Variants in FGF13 observed in about 807,000 individuals in gnomAD.
FGF13 encodes fibroblast growth factor homologous factor 2.
Under a neutral mutation model 19.5 loss-of-function variants are expected in FGF13, and 2 were observed. That is an observed-to-expected ratio of 0.10 (90% CI 0.04 to 0.32). The LOEUF is 0.32. FGF13 is among the 10% of genes least tolerant of loss of function. The probability of loss-of-function intolerance (pLI) is 1.00; values close to 1 mark genes in which losing one functional copy is unlikely to be tolerated. For missense variants in FGF13, 113 were observed against 192.7 expected (o/e 0.59, Z 2.45); for synonymous variants, 72 against 76.9 (o/e 0.94, Z 0.33).
At position 138,834,303 on chromosome X, in the gene FGF13, T is replaced by A. The variant is rs764649826; in HGVS notation, c.217+23209A>T. On this transcript the variant is annotated intron_variant, in intron 3 of 6. Transcript: ENST00000436198. ...TGGACTTTTATCAGTTGGTAGACTATCTATTAATGCCTCAATTTCGGAACC... is the reference window on the plus strand; with the variant it reads ...TGGACTTTTATCAGTTGGTAGACTAACTATTAATGCCTCAATTTCGGAACC... Among the ~76,000 whole-genome samples, 3 of 111,846 alleles carry A rather than the reference T, an allele frequency of 2.7e-5. No individual in the cohort carries two copies. In the South Asian group the frequency reaches 1.1e-3, roughly 42 times the overall value.
At chrX:139,163,633 C>G (rs1382748183) in intron 1 of FGF13, among the ~76,000 whole-genome samples, 5 of 111,245 alleles carry the variant, frequency 4.5e-5, no homozygotes. Context: ...GGAGGTCATT[C>G]AGCTTTGAAG....
rs780690741 is a variant in FGF13 at position 139,169,522 on chromosome X, T to A, written c.-113+33894A>T. Among the ~76,000 whole-genome samples, 311 of 109,813 alleles carry A rather than the reference T, an allele frequency of 2.8e-3. 1 individual carries two copies. The highest frequency in any genetic ancestry group is 4.8e-3 in the Non-Finnish European group (253 of 52,738). On this transcript the variant is annotated intron_variant, in intron 1 of 2. Transcript: ENST00000421460. Reference sequence around the variant, plus strand: ...TCTTGCTCTGTTGCCCAAGCTGGGGTACAGAGGTGCAATCACAGCTTGAAC... The same window carrying A: ...TCTTGCTCTGTTGCCCAAGCTGGGGAACAGAGGTGCAATCACAGCTTGAAC...
intron 1 of FGF13, among the ~76,000 whole-genome samples, chrX:139,024,011 A>T (rs909383861): frequency 1.3e-4 from 15 of 111,449 alleles, no homozygotes; most frequent in Admixed American, 1.3e-3. Flanking sequence ...AAATTTCTGA[A>T]GAATTACTAA....
intron 1 of FGF13, among the ~76,000 whole-genome samples, chrX:138,962,304 T>C (rs150419268): frequency 0.022 from 2,404 of 111,542 alleles, 73 homozygotes; most frequent in African/African-American, 0.074. Context: ...GATACCAGCT[T>C]ACACCAGTTA....
intron 1 of FGF13, among the ~76,000 whole-genome samples, chrX:139,010,375 G>A (rs1220208890): frequency 1.8e-5 from 2 of 111,405 alleles, no homozygotes; most frequent in African/African-American, 3.3e-5. Flanking sequence ...GACATGAAAC[G>A]TTCTCCAAAA....
At chrX:138,931,071 G>C (rs1342548175) in intron 1 of FGF13, among the ~76,000 whole-genome samples, 1 of 112,540 alleles carries the variant, frequency 8.9e-6, no homozygotes, top group Non-Finnish European at 1.9e-5. Context: ...ACCATAATCA[G>C]AATTCCAATC....
intron 1 of FGF13, among the ~76,000 whole-genome samples, chrX:139,115,734 C>T (rs745521784): frequency 1.5e-4 from 17 of 112,786 alleles, no homozygotes; most frequent in Admixed American, 1.3e-3. Flanking sequence ...TTTCTTCATA[C>T]ATTTCTCAAC....
chrX:139,143,519 T>C (rs1015135856), intron 1 of FGF13, among the ~76,000 whole-genome samples: 1 of 112,311 alleles, frequency 8.9e-6, no homozygotes, highest in African/African-American at 3.2e-5. Flanking sequence ...AGTATTCAAA[T>C]TAGCGGAGGT....
chrX:138,917,131 T>G (rs1056297732), intron 1 of FGF13, among the ~76,000 whole-genome samples: 1 of 111,932 alleles, frequency 8.9e-6, no homozygotes, highest in African/African-American at 3.2e-5. Flanking sequence ...AATTACTAAG[T>G]GGCCTAACAC....
At chrX:139,126,101 G>A (rs1603211375) in intron 1 of FGF13, among the ~76,000 whole-genome samples, 1 of 112,029 alleles carries the variant, frequency 8.9e-6, no homozygotes, top group East Asian at 2.8e-4. Flanking sequence ...AACAGTAAAG[G>A]TCATGTATTT....
chrX:139,007,789 C>T (rs1319344915), intron 1 of FGF13, among the ~76,000 whole-genome samples: 1 of 112,119 alleles, frequency 8.9e-6, no homozygotes, highest in Non-Finnish European at 1.9e-5. Context: ...CTAGGAAAGC[C>T]AAAGGAATCC....
At chrX:138,820,176 C>T (rs919823370) in intron 3 of FGF13, among the ~76,000 whole-genome samples, 1 of 112,107 alleles carries the variant, frequency 8.9e-6, no homozygotes, top group Non-Finnish European at 1.9e-5. Flanking sequence ...AAGTAACTAA[C>T]AATAAGGTAA....
intron 1 of FGF13, among the ~76,000 whole-genome samples, chrX:139,176,022 G>C (rs181741156): frequency 9.0e-6 from 1 of 111,604 alleles, no homozygotes. Flanking sequence ...CTGTGAATCT[G>C]TCTGGTCCTG....
intron 2 of FGF13, among the ~76,000 whole-genome samples, chrX:138,705,626 A>G (rs2089985938): frequency 1.8e-5 from 2 of 112,209 alleles, no homozygotes; most frequent in South Asian, 7.4e-4. Context: ...CGATCTTTTC[A>G]TTTCTTTAAA....
At chrX:138,899,681 T>C (rs769897024) in intron 1 of FGF13, among the ~76,000 whole-genome samples, 1 of 111,572 alleles carries the variant, frequency 9.0e-6, no homozygotes, top group African/African-American at 3.3e-5. Flanking sequence ...AAGACAAGAA[T>C]GAACTGAATG....
intron 1 of FGF13, among the ~76,000 whole-genome samples, chrX:138,949,701 A>G (rs1352708246): frequency 8.9e-6 from 1 of 112,058 alleles, no homozygotes; most frequent in Non-Finnish European, 1.9e-5. Context: ...TCAAGATAAC[A>G]GAATAAATGG....
chrX:139,093,398 A>G (rs2083450646), intron 1 of FGF13, among the ~76,000 whole-genome samples: 1 of 112,121 alleles, frequency 8.9e-6, no homozygotes, highest in African/African-American at 3.2e-5. Flanking sequence ...CTGGTCATAC[A>G]TACTTTGAAA....
intron 1 of FGF13, among the ~76,000 whole-genome samples, chrX:138,718,351 G>C (rs1291537674): frequency 1.8e-5 from 2 of 111,650 alleles, no homozygotes; most frequent in African/African-American, 3.3e-5. Flanking sequence ...AAATGATGGA[G>C]GATTTGAGGC....
intron 1 of FGF13, among the ~76,000 whole-genome samples, chrX:138,922,689 T>C (rs2091653025): frequency 8.9e-6 from 1 of 112,060 alleles, no homozygotes; most frequent in Non-Finnish European, 1.9e-5. Flanking sequence ...TCTCTATTTC[T>C]TCACCTCTAA....
Sources: gnomAD v4.1 joint callset for allele counts (sites outside exome capture counted in the v4.1 genomes callset) on GRCh38, gnomAD v4.1.1 for gene constraint, MANE v1.5 for transcripts, NCBI Gene and HGNC (gene_info 2026-07-23, HGNC 2026-07-21) for gene names.